NRG3: variants seen among roughly 807,000 people sequenced by gnomAD.
NRG3 encodes the protein pro-neuregulin-3, membrane-bound isoform.
In NRG3, 31 loss-of-function variants were observed where a neutral mutation model predicts 66.9. The ratio of observed to expected loss-of-function variants is 0.46; its 90% CI spans 0.35 to 0.63. The LOEUF (loss-of-function observed/expected upper bound fraction) is 0.63, where lower values mean the gene tolerates loss of function less well. Among genes scored for constraint, NRG3 ranks in the 20% least tolerant of loss-of-function variants. The pLI is 0.00. For missense variants in NRG3, 910 were observed against 878.9 expected, an observed-to-expected ratio of 1.04 and a Z score of -0.45; for synonymous variants, 393 against 359.4, an observed-to-expected ratio of 1.09 and a Z score of -1.06.
chr10:81,876,235 C>G, intron 1 of NRG3, 72 bp downstream of exon 1: 1 of 1,492,448 alleles, frequency 6.7e-7, no homozygotes, highest in South Asian at 1.3e-5. Flanking sequence ...GTCTTTTTCC[C>G]TCGCCGCCTG....
At chr10:82,844,844 A>G (rs1240591633) in intron 3 of NRG3, among the ~76,000 whole-genome samples, 1 of 152,188 alleles carries the variant, frequency 6.6e-6, no homozygotes, top group African/African-American at 2.4e-5. Context: ...ATTTCAAAAA[A>G]ATAGGTTGGA....
intron 3 of NRG3, among the ~76,000 whole-genome samples, chr10:82,844,020 ATC>A (rs201613751): frequency 0.013 from 1,937 of 152,256 alleles, 50 homozygotes; most frequent in African/African-American, 0.045. Flanking sequence ...AGTTAAATAG[ATC>A]TATATATAAA....
chr10:82,631,400 A>G (rs2049822138), intron 2 of NRG3, among the ~76,000 whole-genome samples: 1 of 152,100 alleles, frequency 6.6e-6, no homozygotes, highest in Non-Finnish European at 1.5e-5. Flanking sequence ...TCGTCTCTAT[A>G]TTTTGAACTC....
At chr10:82,753,395 G>A (rs922277340) in intron 3 of NRG3, among the ~76,000 whole-genome samples, 3 of 151,868 alleles carry the variant, frequency 2.0e-5, no homozygotes, top group Non-Finnish European at 4.4e-5. Flanking sequence ...GGGAAATGAG[G>A]CCTTTGATTA....
intron 4 of NRG3, among the ~76,000 whole-genome samples, chr10:82,891,337 A>G (rs1843131812): frequency 6.6e-6 from 1 of 151,916 alleles, no homozygotes; most frequent in South Asian, 2.1e-4. Context: ...ATGTTTTCCA[A>G]TACAAATTTA....
intron 2 of NRG3, among the ~76,000 whole-genome samples, chr10:82,371,375 G>T (rs1040583451): frequency 6.6e-6 from 1 of 152,104 alleles, no homozygotes; most frequent in African/African-American, 2.4e-5. Context: ...GCTATAGAAT[G>T]GCACTTTTTG....
chr10:82,336,129 A>C (rs2082373993), intron 1 of NRG3, among the ~76,000 whole-genome samples: 1 of 152,118 alleles, frequency 6.6e-6, no homozygotes, highest in Non-Finnish European at 1.5e-5. Context: ...ACTTCTCTAC[A>C]TGAACTAAAT....
intron 1 of NRG3, among the ~76,000 whole-genome samples, chr10:82,129,454 A>G (rs1419454560): frequency 6.6e-6 from 1 of 152,216 alleles, no homozygotes; most frequent in Non-Finnish European, 1.5e-5. Context: ...ATGTATGAGG[A>G]CATGAGATAT....
At chr10:82,507,977 T>C (rs1360104032) in intron 2 of NRG3, among the ~76,000 whole-genome samples, 1 of 152,196 alleles carries the variant, frequency 6.6e-6, no homozygotes, top group Non-Finnish European at 1.5e-5. Context: ...GCCTATCCAA[T>C]AGCATTTCTC....
At chr10:82,345,512 T>C (rs2082954688) in intron 1 of NRG3, among the ~76,000 whole-genome samples, 1 of 151,800 alleles carries the variant, frequency 6.6e-6, no homozygotes, top group African/African-American at 2.4e-5. Flanking sequence ...CCTCCAGCTT[T>C]GTTCTTTTGG....
chr10:82,132,675 A>T (rs779088935), intron 1 of NRG3, among the ~76,000 whole-genome samples: 7 of 150,592 alleles, frequency 4.6e-5, no homozygotes, highest in Non-Finnish European at 7.4e-5. Flanking sequence ...AATATTTGGT[A>T]AAATTCAGCG....
intron 2 of NRG3, among the ~76,000 whole-genome samples, chr10:82,616,135 G>A (rs1214230814): frequency 1.3e-5 from 2 of 152,078 alleles, no homozygotes; most frequent in African/African-American, 2.4e-5. Context: ...TTTTAAAAAT[G>A]CATTTTAATT....
chr10:82,439,488 A>C (rs1168600165), intron 2 of NRG3, among the ~76,000 whole-genome samples: 1 of 152,052 alleles, frequency 6.6e-6, no homozygotes, highest in Non-Finnish European at 1.5e-5. Flanking sequence ...TACATGTTTT[A>C]TTAAATTACC....
chr10:82,277,372 C>G (rs1051089448), intron 1 of NRG3, among the ~76,000 whole-genome samples: 8 of 151,986 alleles, frequency 5.3e-5, no homozygotes, highest in Non-Finnish European at 1.0e-4. Context: ...AGTAGGACTT[C>G]TAAGTTGGAA....
chr10:82,486,092 A>C (rs1024601651), intron 2 of NRG3, among the ~76,000 whole-genome samples: 1 of 152,202 alleles, frequency 6.6e-6, no homozygotes, highest in Non-Finnish European at 1.5e-5. Flanking sequence ...CAAAACCAAA[A>C]TGAAATATCA....
chr10:82,917,072 C>T (rs12262125), intron 4 of NRG3, among the ~76,000 whole-genome samples: 20,844 of 152,162 alleles, frequency 0.14, 1,544 homozygotes, highest in Middle Eastern at 0.24. Flanking sequence ...GGTGCTTATA[C>T]GCTCCTCAGG....
At chr10:82,668,204 C>A (rs990688347) in intron 2 of NRG3, among the ~76,000 whole-genome samples, 1 of 152,146 alleles carries the variant, frequency 6.6e-6, no homozygotes, top group African/African-American at 2.4e-5. Context: ...CAGAGATGAA[C>A]TTCTGGCAGA....
chr10:81,898,377 C>T (rs1843717655), intron 1 of NRG3, among the ~76,000 whole-genome samples: 1 of 152,204 alleles, frequency 6.6e-6, no homozygotes, highest in South Asian at 2.1e-4. Context: ...TCCCAGATAG[C>T]TCCTCAGTGA....
chr10:82,498,161 G>A (rs2132314312), intron 2 of NRG3, among the ~76,000 whole-genome samples: 1 of 150,932 alleles, frequency 6.6e-6, no homozygotes, highest in Non-Finnish European at 1.5e-5. Context: ...CAGATATATG[G>A]TTTGCATATA....
Sources: allele counts gnomAD v4.1 joint callset (sites outside exome capture counted in the v4.1 genomes callset), GRCh38; gene constraint gnomAD v4.1.1; transcripts MANE v1.5; gene names NCBI Gene and HGNC (gene_info 2026-07-23, HGNC 2026-07-21).